Variants in SGPP1 observed in about 807,000 individuals in gnomAD.
The protein encoded by SGPP1 is sphingosine-1-phosphate phosphatase 1.
A neutral mutation model predicts 33.0 loss-of-function variants in SGPP1; 21 were observed. That is an observed-to-expected ratio of 0.64 (90% CI 0.45 to 0.92). The LOEUF (loss-of-function observed/expected upper bound fraction) is 0.92, where lower values mean the gene tolerates loss of function less well. Ranked by LOEUF, SGPP1 falls within the 40% of genes least tolerant of loss-of-function variation. SGPP1 has a pLI of 0.00. For missense variants in SGPP1, 543 were observed against 589.4 expected, an observed-to-expected ratio of 0.92 and a Z score of 0.81; for synonymous variants, 239 against 241.2, an observed-to-expected ratio of 0.99 and a Z score of 0.08.
rs1258107621 is a variant in SGPP1, at chr14:63,686,492, G to A, written c.939C>T (p.Ser313=). Residue 313 remains serine, a synonymous_variant, in exon 3 of 3, where the codon AGC becomes AGT. Coordinates refer to ENST00000247225, the MANE Select transcript of SGPP1 (RefSeq NM_030791.4). ...GIFSFTLDTW[S]TSRGDTAEIL... is the part of the protein sequence containing the mutation. ...TCTCGGCTGTGTCTCCTCGGGATGT[G>A]CTCCAGGTGTCAAGAGTGAAAGAAA... 3.7e-6 allele frequency: 6 copies of A among 1,613,958 alleles called. No homozygotes were observed. Among genetic ancestry groups the A allele is most frequent in the South Asian group, 3.3e-5 (3 of 91,066 alleles).
At chr14:63,723,459 G>T (rs185917260) in intron 1 of SGPP1, among the ~76,000 whole-genome samples, 1 of 152,098 alleles carries the variant, frequency 6.6e-6, no homozygotes, top group East Asian at 1.9e-4. Flanking sequence ...AGTGACTCAC[G>T]TCTGTAATCC....
chr14:63,727,182 T>A, intron 1 of SGPP1, 79 bp downstream of exon 1: 1 of 1,482,504 alleles, frequency 6.7e-7, no homozygotes, highest in Non-Finnish European at 8.9e-7. Flanking sequence ...ACGGTCGAAT[T>A]AAAATAAATG....
At chr14:63,699,208 T>C (rs1456179914) in intron 1 of SGPP1, among the ~76,000 whole-genome samples, 1 of 152,178 alleles carries the variant, frequency 6.6e-6, no homozygotes, top group African/African-American at 2.4e-5. Flanking sequence ...AATGGTCCCC[T>C]TACTGAGAAA....
intron 1 of SGPP1, among the ~76,000 whole-genome samples, chr14:63,723,493 A>G (rs1216525629): frequency 3.9e-5 from 6 of 151,996 alleles, no homozygotes; most frequent in Non-Finnish European, 8.8e-5. Flanking sequence ...GGCTGAGGGG[A>G]GTGGATCACG....
intron 1 of SGPP1, among the ~76,000 whole-genome samples, chr14:63,703,019 G>C (rs753178075): frequency 6.6e-6 from 1 of 152,030 alleles, no homozygotes; most frequent in African/African-American, 2.4e-5. Context: ...CACCAATGGG[G>C]GTCGTGGAAC....
chr14:63,724,300 G>A (rs929632972), intron 1 of SGPP1, among the ~76,000 whole-genome samples: 1 of 152,124 alleles, frequency 6.6e-6, no homozygotes, highest in Non-Finnish European at 1.5e-5. Flanking sequence ...GTAGTAGGTA[G>A]TAGTGAAGTA....
rs117295725 is a variant in SGPP1, at chr14:63,694,504, G to A, written c.774+4065C>T. Among the ~76,000 whole-genome samples, 47 of 152,010 alleles carry A rather than the reference G, an allele frequency of 3.1e-4. 1 individual carries two copies. In the East Asian group the frequency reaches 8.5e-3, roughly 27 times the overall value. On this transcript the variant is annotated intron_variant, in intron 2 of 2. Coordinates refer to ENST00000247225, the MANE Select transcript of SGPP1 (RefSeq NM_030791.4). ...GGAAAAAAAAACAAAACAAAACTTA[G>A]ATTGCTACGAAACTAGACAAATCTG...
At chr14:63,710,724 C>T (rs554941505) in intron 1 of SGPP1, among the ~76,000 whole-genome samples, 2 of 152,286 alleles carry the variant, frequency 1.3e-5, no homozygotes, top group South Asian at 4.1e-4. Context: ...AGAAAACCAG[C>T]CCAGACTCTG....
intron 1 of SGPP1, among the ~76,000 whole-genome samples, chr14:63,724,167 A>G (rs1241629115): frequency 6.6e-6 from 1 of 152,066 alleles, no homozygotes; most frequent in Non-Finnish European, 1.5e-5. Flanking sequence ...GGGATGAACC[A>G]CTACACCTGG....
intron 2 of SGPP1, among the ~76,000 whole-genome samples, chr14:63,693,658 G>C (rs990672931): frequency 6.6e-6 from 1 of 151,952 alleles, no homozygotes; most frequent in Non-Finnish European, 1.5e-5. Flanking sequence ...CTGTTGCCCA[G>C]GCTGGAGTAC....
rs191252114 is a variant in SGPP1, at chr14:63,713,594, C to A, written c.684+13667G>T. ...GTCTAAAATCTCTAATATCTAAAAT[C>A]CTGAAAATTAAAAACCCAAAATATT... is the stretch of plus-strand genomic sequence containing the variant. On this transcript the variant is annotated intron_variant, in intron 1 of 2. Transcript: ENST00000247225. 3.6e-3 allele frequency among the ~76,000 whole-genome samples: 552 copies of A among 152,204 alleles called. 2 individuals are homozygous for A. The highest frequency in any genetic ancestry group is 6.0e-3 in the Non-Finnish European group (406 of 68,006).
chr14:63,690,753 C>T (rs1019444437), intron 2 of SGPP1, among the ~76,000 whole-genome samples: 12 of 152,076 alleles, frequency 7.9e-5, no homozygotes, highest in African/African-American at 1.9e-4. Context: ...CTCTGTTCCC[C>T]GGGATGGAGT....
At chr14:63,721,609 T>C (rs1272941778) in intron 1 of SGPP1, among the ~76,000 whole-genome samples, 1 of 152,246 alleles carries the variant, frequency 6.6e-6, no homozygotes, top group Non-Finnish European at 1.5e-5. Flanking sequence ...TCTTGGATCT[T>C]GCAGCCTCCT....
chr14:63,710,779 A>G (rs1287304209), intron 1 of SGPP1, among the ~76,000 whole-genome samples: 1 of 152,198 alleles, frequency 6.6e-6, no homozygotes, highest in Non-Finnish European at 1.5e-5. Flanking sequence ...TAAAGAAAAT[A>G]TAGCTTCCCT....
At chr14:63,704,576 G>A (rs73265721) in intron 1 of SGPP1, among the ~76,000 whole-genome samples, 4,298 of 151,520 alleles carry the variant, frequency 0.028, 232 homozygotes, top group African/African-American at 0.098. Flanking sequence ...GGGGCCGGGT[G>A]TAGTGACTCA....
At chr14:63,718,504 C>T (rs898392782) in intron 1 of SGPP1, among the ~76,000 whole-genome samples, 5 of 151,962 alleles carry the variant, frequency 3.3e-5, no homozygotes, top group African/African-American at 9.7e-5. Flanking sequence ...CTATATCATA[C>T]ATTGGAACAT....
intron 2 of SGPP1, among the ~76,000 whole-genome samples, chr14:63,690,278 A>G (rs990030837): frequency 1.3e-5 from 2 of 152,210 alleles, no homozygotes; most frequent in African/African-American, 2.4e-5. Flanking sequence ...TCTGAGCTCA[A>G]GCAATCCACC....
intron 2 of SGPP1, among the ~76,000 whole-genome samples, chr14:63,690,417 T>C (rs17101363): frequency 0.04 from 6,092 of 152,282 alleles, 375 homozygotes; most frequent in African/African-American, 0.14. Flanking sequence ...CTTGAAGCCA[T>C]TGTTCTAAAA....
intron 1 of SGPP1, among the ~76,000 whole-genome samples, chr14:63,723,757 G>A (rs1475573680): frequency 6.6e-6 from 1 of 151,988 alleles, no homozygotes; most frequent in Non-Finnish European, 1.5e-5. Context: ...TTTCAAAGAA[G>A]CTGAGACAGC....
Sources: allele counts gnomAD v4.1 joint callset (sites outside exome capture counted in the v4.1 genomes callset), GRCh38; gene constraint gnomAD v4.1.1; transcripts MANE v1.5; gene names NCBI Gene and HGNC (gene_info 2026-07-23, HGNC 2026-07-21).